LRP1: variants seen among roughly 807,000 people sequenced by gnomAD.
The protein encoded by LRP1 is prolow-density lipoprotein receptor-related protein 1.
A neutral mutation model predicts 541.5 loss-of-function variants in LRP1; 51 were observed. That is an observed-to-expected ratio of 0.09 (90% confidence interval 0.08 to 0.12). The LOEUF (loss-of-function observed/expected upper bound fraction) is 0.12. Ranked by LOEUF, LRP1 falls within the 10% of genes least tolerant of loss-of-function variation. The pLI, the probability that LRP1 is intolerant of heterozygous loss-of-function variation, is 1.00. For synonymous variants in LRP1, 2,219 were observed against 2,470.8 expected, an observed-to-expected ratio of 0.90 and a Z score of 3.02; for missense variants, 3,878 against 6,376.2, an observed-to-expected ratio of 0.61 and a Z score of 13.34.
rs375710339 is a variant in LRP1, at chr12:57,206,783, T to C, written c.11859+42T>C. 8 of 1,596,844 alleles carry C rather than the reference T, an allele frequency of 5.0e-6. No homozygotes were observed. The highest frequency in any genetic ancestry group is 4.0e-5 in the African/African-American group (3 of 74,816). On this transcript the variant is annotated intron_variant, in intron 76 of 88. Transcript: ENST00000243077. This position sits in a 1 kb window ranked among gnomAD's most constrained non-coding sequence, Gnocchi z 4.7. Reference sequence around the variant, plus strand: ...GCGTGGATGGAGTGGAAGAGCTCCATAGAGCAGGCGGTTCAGAGCAGGATT... The same window carrying C: ...GCGTGGATGGAGTGGAAGAGCTCCACAGAGCAGGCGGTTCAGAGCAGGATT...
In LRP1 at chr12:57,199,225, C is replaced by T; in HGVS notation, c.9690C>T (p.Asp3230=). 6.2e-7 allele frequency: 1 copy of T among 1,613,592 alleles called. No homozygotes were observed. Among genetic ancestry groups the T allele is most frequent in the African/African-American group, 1.3e-5 (1 of 75,074 alleles). The change falls in exon 61 of 89, where the codon GAC becomes GAT. Residue 3230 remains aspartate, a synonymous_variant. Coordinates refer to ENST00000243077, the MANE Select transcript of LRP1 (RefSeq NM_002332.3). ...GSNRHVVLSQ[D]IPHIFALTLF... ...TTGGCCCTGCAGTGCTGAGCCAGGACATCCCGCACATCTTTGCACTGACCC... is the reference window on the plus strand; with the variant it reads ...TTGGCCCTGCAGTGCTGAGCCAGGATATCCCGCACATCTTTGCACTGACCC...
At chr12:57,141,985 T>C (rs2035302177) in intron 3 of LRP1, among the ~76,000 whole-genome samples, 1 of 152,118 alleles carries the variant, frequency 6.6e-6, no homozygotes, top group Admixed American at 6.5e-5. Context: ...GAGCTGCAGA[T>C]CTTTGAGGGG....
chr12:57,146,872 C>G (rs755284358), intron 6 of LRP1: 1 of 152,386 alleles, frequency 6.6e-6, no homozygotes, highest in Non-Finnish European at 1.5e-5. Flanking sequence ...CTGCCCTCCC[C>G]CTGTTCCTTG....
At position 57,158,168 on chromosome 12, in the gene LRP1, T is replaced by C. The variant is rs1199525932; in HGVS notation, c.1562-234T>C. Among the ~76,000 whole-genome samples, 2 of 152,202 alleles carry C rather than the reference T, an allele frequency of 1.3e-5. No homozygotes were observed. Among genetic ancestry groups the C allele is most frequent in the African/African-American group, 4.8e-5 (2 of 41,444 alleles). ...CACTTAGCTGAAAACCTGCTATTCT[T>C]CCCTCATTTCCTACCCTTGGAGTGC... On this transcript the variant is annotated intron_variant, in intron 10 of 88. Transcript: ENST00000243077. This position sits in a 1 kb window ranked among gnomAD's most constrained non-coding sequence, Gnocchi z 5.3.
At chr12:57,174,455 G>T (rs2036004861) in intron 22 of LRP1, among the ~76,000 whole-genome samples, 1 of 152,158 alleles carries the variant, frequency 6.6e-6, no homozygotes, top group Non-Finnish European at 1.5e-5. Context: ...GGGTTCCCAA[G>T]GACAGGCAGT....
chr12:57,154,723 G>A lies in LRP1; in HGVS notation c.1227+22G>A. On this transcript the variant is annotated intron_variant, in intron 8 of 88. Coordinates refer to ENST00000243077, the MANE Select transcript of LRP1 (RefSeq NM_002332.3). This position sits in a 1 kb window ranked among gnomAD's most constrained non-coding sequence, Gnocchi z 4.6. The stretch of plus-strand genomic sequence containing the variant: ...CCTGGTGAGGGAGCTACTGTCTGAG[G>A]TTTTGTGGGGGAACCATGATCCAGG... 2 of 1,548,318 alleles carry A rather than the reference G, an allele frequency of 1.3e-6. No individual in the cohort carries two copies.
At chr12:57,148,839 T>C in intron 6 of LRP1, 1 of 475,138 alleles carries the variant, frequency 2.1e-6, no homozygotes, top group African/African-American at 2.0e-5. Context: ...CCATGCTGCA[T>C]GGGGAAGAAG....
Position 57,206,636 on chromosome 12 carries a change from C to T in LRP1, c.11754C>T (p.Asn3918=). The change falls in exon 76 of 89, where the codon AAC becomes AAT. Residue 3918 remains asparagine, a synonymous_variant. Coordinates refer to ENST00000243077, the MANE Select transcript of LRP1 (RefSeq NM_002332.3). This position sits in a 1 kb window ranked among gnomAD's most constrained non-coding sequence, Gnocchi z 4.7. ...AGGCTGGCCGTGTCTATTGGACCAA[C>T]TGGCACACGGGCACCATCTCCTACC... The part of the protein sequence containing the change: ...HVKAGRVYWT[N]WHTGTISYRS... 1 of 1,614,128 alleles carries T rather than the reference C, an allele frequency of 6.2e-7. No individual in the cohort carries two copies. The highest frequency in any genetic ancestry group is 8.5e-7 in the Non-Finnish European group (1 of 1,180,048).
chr12:57,152,315 G>A (rs146716657), intron 6 of LRP1, among the ~76,000 whole-genome samples: 37 of 152,156 alleles, frequency 2.4e-4, no homozygotes, highest in Admixed American at 6.5e-4. Context: ...CCGTAGCTGC[G>A]CCAGCTGGTG....
At chr12:57,175,785 C>G in intron 23 of LRP1, 80 bp downstream of exon 23, 1 of 1,549,908 alleles carries the variant, frequency 6.5e-7, no homozygotes, top group Non-Finnish European at 8.7e-7. Flanking sequence ...TGGCCAGGTG[C>G]CAAAGGCTGA....
At chr12:57,142,727 A>G (rs927339080) in intron 3 of LRP1, among the ~76,000 whole-genome samples, 2 of 151,440 alleles carry the variant, frequency 1.3e-5, no homozygotes, top group African/African-American at 4.9e-5. Context: ...CAGAAAAGTT[A>G]CTCTTTTCTA....
At chr12:57,161,985 G>A (rs575658976) in intron 13 of LRP1, among the ~76,000 whole-genome samples, 34 of 149,718 alleles carry the variant, frequency 2.3e-4, no homozygotes, top group South Asian at 1.0e-3. Flanking sequence ...GTGTGTGTGC[G>A]CGCACGCATA....
intron 42 of LRP1, among the ~76,000 whole-genome samples, chr12:57,187,918 A>T (rs1287272721): frequency 1.3e-5 from 2 of 152,242 alleles, no homozygotes; most frequent in Admixed American, 6.5e-5. Flanking sequence ...GGGTGACCAC[A>T]GGTGTCATGA....
At chr12:57,149,791 T>C in intron 6 of LRP1, 2 of 704,674 alleles carry the variant, frequency 2.8e-6, no homozygotes, top group Non-Finnish European at 5.2e-6. Context: ...ACAAGGAGCA[T>C]GAGGCCACAT....
At chr12:57,193,153 G>T (rs1199460815) in intron 45 of LRP1, 23 bp from the exon 46 acceptor site, 3 of 1,612,184 alleles carry the variant, frequency 1.9e-6, no homozygotes, top group African/African-American at 1.3e-5. Flanking sequence ...GGCTCAGAAA[G>T]CTCCCTCCAC....
Position 57,162,754 on chromosome 12 carries a change from C to A in LRP1, c.2405-104C>A. The A allele has an allele frequency of 7.6e-7, 1 of 1,312,208 alleles. No individual in the cohort carries two copies. The highest frequency in any genetic ancestry group is 1.0e-6 in the Non-Finnish European group (1 of 956,030). 81.3% of individuals were successfully genotyped at this position (1,312,208 alleles called of 1,614,324 possible). On this transcript the variant is annotated intron_variant, in intron 14 of 88. Transcript: ENST00000243077. This position sits in a 1 kb window ranked among gnomAD's most constrained non-coding sequence, Gnocchi z 5.2. ...CATGATCTTCTTCCTCTCCATATTT[C>A]CTCTTTCTGTCCCCACATCTTAATG...
At position 57,162,531 on chromosome 12, in the gene LRP1, G is replaced by T. The variant is rs777804795; in HGVS notation, c.2404+13G>T. On this transcript the variant is annotated intron_variant, in intron 14 of 88. Coordinates refer to ENST00000243077, the MANE Select transcript of LRP1 (RefSeq NM_002332.3). This position sits in a 1 kb window ranked among gnomAD's most constrained non-coding sequence, Gnocchi z 5.2. Reference sequence around the variant, plus strand: ...CAGCAGCAGCAAGGTACCTCCTTGGGGCTGGGGGCAGCGTGGGACCTGGAA... The same window carrying T: ...CAGCAGCAGCAAGGTACCTCCTTGGTGCTGGGGGCAGCGTGGGACCTGGAA... 9 of 1,613,130 alleles carry T rather than the reference G, an allele frequency of 5.6e-6. No individual in the cohort carries two copies. Among genetic ancestry groups the T allele is most frequent in the Non-Finnish European group, 6.8e-6 (8 of 1,179,880 alleles).
chr12:57,199,082 C>G (rs1187716395), intron 60 of LRP1, 130 bp from the exon 61 acceptor site: 3 of 838,398 alleles, frequency 3.6e-6, no homozygotes, highest in Middle Eastern at 2.6e-4. Flanking sequence ...GGGTCTGTAC[C>G]ATGAACCATC....
chr12:57,208,267 C>A, intron 77 of LRP1, 51 bp downstream of exon 77: 1 of 1,571,166 alleles, frequency 6.4e-7, no homozygotes, highest in East Asian at 2.3e-5. Context: ...AGGAAGCCCC[C>A]GGGACAGGGT....
Sources: allele counts gnomAD v4.1 joint callset (sites outside exome capture counted in the v4.1 genomes callset), GRCh38; gene constraint gnomAD v4.1.1; non-coding constraint Gnocchi (gnomAD v3.1); transcripts MANE v1.5; gene names NCBI Gene and HGNC (gene_info 2026-07-23, HGNC 2026-07-21).